TBC1D4: variants seen among roughly 807,000 people sequenced by gnomAD.
TBC1D4 encodes TBC (Tre-2, BUB2, CDC16) domain-containing protein.
Under a neutral mutation model 142.5 loss-of-function variants are expected in TBC1D4, and 121 were observed. That is an observed-to-expected ratio of 0.85 (90% CI 0.73 to 0.99). The LOEUF is 0.99. TBC1D4 is among the 50% of genes least tolerant of loss of function. The probability of loss-of-function intolerance (pLI) is 0.00; values close to 1 mark genes in which losing one functional copy is unlikely to be tolerated. For missense variants in TBC1D4, 1,475 were observed against 1,606.6 expected (o/e 0.92, Z 1.40); for synonymous variants, 630 against 628.2 (o/e 1.00, Z -0.04).
intron 1 of TBC1D4, among the ~76,000 whole-genome samples, chr13:75,385,243 G>C (rs995678895): frequency 6.6e-6 from 1 of 152,078 alleles, no homozygotes; most frequent in African/African-American, 2.4e-5. Flanking sequence ...ACTATATTTA[G>C]CCACCCAATG....
intron 12 of TBC1D4, among the ~76,000 whole-genome samples, chr13:75,317,665 T>TA (rs1159456402): frequency 2.0e-5 from 3 of 152,224 alleles, no homozygotes; most frequent in Non-Finnish European, 4.4e-5. Flanking sequence ...CTTCCCAAGA[T>TA]ACATATTCAG....
At chr13:75,291,816 T>G (rs1875339210) in intron 19 of TBC1D4, among the ~76,000 whole-genome samples, 1 of 152,212 alleles carries the variant, frequency 6.6e-6, no homozygotes, top group African/African-American at 2.4e-5. Flanking sequence ...AGGATCTGAT[T>G]TTATTCTCAG....
chr13:75,306,584 G>T, intron 14 of TBC1D4, 113 bp from the exon 15 acceptor site: 1 of 1,270,352 alleles, frequency 7.9e-7, no homozygotes. Context: ...TCAACTGGTA[G>T]TGTATCTCAA....
chr13:75,468,298 T>C (rs952357573), intron 1 of TBC1D4, among the ~76,000 whole-genome samples: 14 of 152,188 alleles, frequency 9.2e-5, no homozygotes, highest in Admixed American at 9.2e-4. Context: ...AAAGCCATTC[T>C]CAAGCACTGT....
intron 12 of TBC1D4, 85 bp from the exon 13 acceptor site, chr13:75,312,983 A>C: frequency 6.6e-7 from 1 of 1,508,360 alleles, no homozygotes; most frequent in East Asian, 2.3e-5. Flanking sequence ...CAAGCCATTC[A>C]CAAGTTCTGT....
chr13:75,406,683 A>C (rs1019561928), intron 1 of TBC1D4, among the ~76,000 whole-genome samples: 1 of 152,222 alleles, frequency 6.6e-6, no homozygotes, highest in Non-Finnish European at 1.5e-5. Context: ...ATGTAAGAGT[A>C]GAATAAACAA....
intron 1 of TBC1D4, among the ~76,000 whole-genome samples, chr13:75,431,260 A>G (rs143240424): frequency 1.1e-3 from 174 of 152,240 alleles, no homozygotes; most frequent in African/African-American, 3.9e-3. Flanking sequence ...TTTCCATGCA[A>G]TTTTCATTCT....
At chr13:75,433,510 CAGAT>C in intron 1 of TBC1D4, among the ~76,000 whole-genome samples, 1 of 152,262 alleles carries the variant, frequency 6.6e-6, no homozygotes, top group East Asian at 1.9e-4. Flanking sequence ...CTATTATAGA[CAGAT>C]AGGGAAGCAT....
At chr13:75,408,298 T>C (rs1164949394) in intron 1 of TBC1D4, among the ~76,000 whole-genome samples, 1 of 152,246 alleles carries the variant, frequency 6.6e-6, no homozygotes, top group Non-Finnish European at 1.5e-5. Context: ...TTCCTTTTTA[T>C]TGCCAGGTAA....
At chr13:75,371,591 T>C (rs1883226476) in intron 1 of TBC1D4, among the ~76,000 whole-genome samples, 1 of 152,216 alleles carries the variant, frequency 6.6e-6, no homozygotes, top group Non-Finnish European at 1.5e-5. Context: ...TAAAATTTAA[T>C]TCTGGGCTGT....
At chr13:75,390,121 C>CA (rs1403668943) in intron 1 of TBC1D4, among the ~76,000 whole-genome samples, 3 of 149,902 alleles carry the variant, frequency 2.0e-5, no homozygotes, top group African/African-American at 4.9e-5. Context: ...ACTAAAAATA[C>CA]AAAAAAAAAT....
chr13:75,384,117 T>C (rs910507147), intron 1 of TBC1D4, among the ~76,000 whole-genome samples: 6 of 151,780 alleles, frequency 4.0e-5, no homozygotes, highest in Non-Finnish European at 8.8e-5. Flanking sequence ...ATAATAATAA[T>C]GATAAAAAGA....
intron 11 of TBC1D4, among the ~76,000 whole-genome samples, chr13:75,320,867 C>CAAAAAAAAAAAAAAAA (rs148657060): frequency 1.2e-5 from 1 of 84,378 alleles, no homozygotes; most frequent in Admixed American, 1.3e-4. Flanking sequence ...ACTAAAAATA[C>CAAAAAAAAAAAAAAAA]AAAAAAAAAA....
In TBC1D4 at chr13:75,365,637, T is replaced by C. The variant is rs370553532; in HGVS notation, c.499-3030A>G. On this transcript the variant is annotated intron_variant, in intron 1 of 20. Transcript: ENST00000377636. ...AGCATAGTGTTAACTGACATATATT[T>C]ATACATACATTTACAAATATTGTTG... Among the ~76,000 whole-genome samples the C allele has an allele frequency of 2.6e-5, 4 of 152,374 alleles. No individual in the cohort carries two copies. In the East Asian group the frequency reaches 5.8e-4, roughly 22 times the overall value.
At chr13:75,469,232 G>A (rs1192040869) in intron 1 of TBC1D4, among the ~76,000 whole-genome samples, 4 of 152,092 alleles carry the variant, frequency 2.6e-5, no homozygotes, top group East Asian at 1.9e-4. Flanking sequence ...GAAGACACCC[G>A]GAGATGAACG....
Position 75,327,756 on chromosome 13 carries a change from T to C in TBC1D4, c.1802A>G (p.Glu601Gly). 2 of 1,614,034 alleles carry C rather than the reference T, an allele frequency of 1.2e-6. No homozygotes were observed. The highest frequency in any genetic ancestry group is 2.2e-5 in the East Asian group (1 of 44,860). The change falls in exon 9 of 21, where the codon GAG (glutamate) becomes GGG (glycine). Residue 601 changes from glutamate to glycine, a missense_variant. Coordinates refer to ENST00000377636, the MANE Select transcript of TBC1D4 (RefSeq NM_014832.5). ...SFERSNSLAS[E>G]KDYSPGDSPP... ...AAACAAGCTCTAGTTAGATACCTTCTCTGAAGCAAGACTGTTGGACCGTTC... is the reference window on the plus strand; with the variant it reads ...AAACAAGCTCTAGTTAGATACCTTCCCTGAAGCAAGACTGTTGGACCGTTC...
intron 1 of TBC1D4, among the ~76,000 whole-genome samples, chr13:75,424,088 C>A (rs1376826168): frequency 6.6e-6 from 1 of 151,940 alleles, no homozygotes; most frequent in Non-Finnish European, 1.5e-5. Flanking sequence ...CACAGTGAGA[C>A]CTTATCTCTA....
intron 1 of TBC1D4, among the ~76,000 whole-genome samples, chr13:75,420,204 G>C (rs1196255483): frequency 6.6e-6 from 1 of 152,296 alleles, no homozygotes; most frequent in East Asian, 1.9e-4. Flanking sequence ...GGGGACTTGT[G>C]CTGGGCAGAG....
chr13:75,380,604 C>T (rs1239855399), intron 1 of TBC1D4, among the ~76,000 whole-genome samples: 2 of 151,982 alleles, frequency 1.3e-5, no homozygotes, highest in Non-Finnish European at 2.9e-5. Flanking sequence ...CTATTTCCTT[C>T]ATTTCACCTT....
Sources: allele counts gnomAD v4.1 joint callset (sites outside exome capture counted in the v4.1 genomes callset), GRCh38; gene constraint gnomAD v4.1.1; transcripts MANE v1.5; gene names NCBI Gene and HGNC (gene_info 2026-07-23, HGNC 2026-07-21).